PLD1: variants seen among roughly 807,000 people sequenced by gnomAD.
PLD1 encodes phospholipase D1, also known as choline phosphatase 1.
PLD1 carries 112 observed loss-of-function variants against 137.1 expected under a neutral mutation model. That is an observed-to-expected ratio of 0.82 (90% CI 0.70 to 0.96). The LOEUF (loss-of-function observed/expected upper bound fraction) is 0.96, where lower values mean the gene tolerates loss of function less well. Among genes scored for constraint, PLD1 ranks in the 40% least tolerant of loss-of-function variants. PLD1 has a pLI of 0.00. For missense variants in PLD1, 1,321 were observed against 1,342.0 expected, an observed-to-expected ratio of 0.98 and a Z score of 0.24; for synonymous variants, 431 against 454.7, an observed-to-expected ratio of 0.95 and a Z score of 0.66.
At chr3:171,656,879 C>G (rs189515213) in intron 21 of PLD1, among the ~76,000 whole-genome samples, 213 of 152,340 alleles carry the variant, frequency 1.4e-3, no homozygotes, top group African/African-American at 5.0e-3. Context: ...ACTTGCCTCA[C>G]TCAAGGTCAT....
In PLD1 at chr3:171,612,252, C is replaced by G. The variant is rs533201457; in HGVS notation, c.2882+27G>C. Reference sequence around the variant, plus strand: ...AGCGACTGCTGCAGTGGAAATGCATCAGAGAGACACACTTTGGCGGACTGA... The same window carrying G: ...AGCGACTGCTGCAGTGGAAATGCATGAGAGAGACACACTTTGGCGGACTGA... On this transcript the variant is annotated intron_variant, in intron 25 of 26. Transcript: ENST00000351298. This position sits in a 1 kb window ranked among gnomAD's most constrained non-coding sequence, Gnocchi z 4.1. The G allele has an allele frequency of 7.8e-5, 125 of 1,608,990 alleles. 1 individual carries two copies. The South Asian group carries it at 1.1e-3, about 14-fold the overall frequency.
intron 23 of PLD1, among the ~76,000 whole-genome samples, chr3:171,640,472 C>T (rs115479496): frequency 7.5e-4 from 114 of 152,122 alleles, no homozygotes; most frequent in Middle Eastern, 3.4e-3. Context: ...CTGTGAATTC[C>T]CAACATTTCC....
At chr3:171,743,340 G>A (rs1295582268) in intron 1 of PLD1, among the ~76,000 whole-genome samples, 1 of 152,122 alleles carries the variant, frequency 6.6e-6, no homozygotes, top group Non-Finnish European at 1.5e-5. Flanking sequence ...CTTTCTGGCT[G>A]GGCTACTCTA....
At position 171,605,515 on chromosome 3, in the gene PLD1, T is replaced by C. The variant is rs2287578; in HGVS notation, c.2883-99A>G. ...CTATCTCTATATATGCAAATATATA[T>C]ATGCAAATTATTTGAGAGACCATGA... is the stretch of plus-strand genomic sequence containing the variant. On this transcript the variant is annotated intron_variant, in intron 25 of 26. Coordinates refer to ENST00000351298, the MANE Select transcript of PLD1 (RefSeq NM_002662.5). 136,996 of 721,512 alleles carry C rather than the reference T, an allele frequency of 0.19. 13,853 individuals are homozygous for C. The highest frequency in any genetic ancestry group is 0.23 in the South Asian group (14,085 of 61,180). The allele number at this position is 721,512 out of a possible 1,614,324, so 44.7% of individuals were successfully genotyped here.
intron 1 of PLD1, among the ~76,000 whole-genome samples, chr3:171,742,449 A>G (rs1432625967): frequency 6.6e-6 from 1 of 151,912 alleles, no homozygotes; most frequent in Non-Finnish European, 1.5e-5. Context: ...GAACATAGTT[A>G]CGATTTACTT....
intron 11 of PLD1, among the ~76,000 whole-genome samples, chr3:171,707,760 C>G (rs772197657): frequency 6.6e-6 from 1 of 152,138 alleles, no homozygotes; most frequent in Non-Finnish European, 1.5e-5. Context: ...CGCTAAACAC[C>G]CTACAATGCA....
chr3:171,672,549 G>T (rs913307883), intron 19 of PLD1, among the ~76,000 whole-genome samples: 7 of 150,902 alleles, frequency 4.6e-5, no homozygotes, highest in Non-Finnish European at 8.8e-5. Context: ...ATGCAGGGGT[G>T]CAATTATGGC....
chr3:171,600,459 G>A lies in PLD1; in HGVS notation c.*2619C>T, dbSNP rs1376891428. ...AATAGTCACTTTGAAATGTTGAGCAGATTCATGATAGATTTTCAAGGCTTT... is the reference window on the plus strand; with the variant it reads ...AATAGTCACTTTGAAATGTTGAGCAAATTCATGATAGATTTTCAAGGCTTT... On this transcript the variant is annotated 3_prime_UTR_variant, in exon 27 of 27. Coordinates refer to ENST00000351298, the MANE Select transcript of PLD1 (RefSeq NM_002662.5). 6.6e-6 allele frequency: 1 copy of A among 152,158 alleles called. No individual in the cohort carries two copies. Among genetic ancestry groups the A allele is most frequent in the East Asian group, 1.9e-4 (1 of 5,200 alleles). 9.4% of individuals were successfully genotyped at this position (152,158 alleles called of 1,614,324 possible).
At chr3:171,705,000 G>A (rs1274104954) in intron 11 of PLD1, among the ~76,000 whole-genome samples, 1 of 152,160 alleles carries the variant, frequency 6.6e-6, no homozygotes, top group African/African-American at 2.4e-5. Flanking sequence ...CGGCTGATCT[G>A]ACAGGAGGCG....
In PLD1 at chr3:171,677,649, T is replaced by C. The variant is rs1713525228; in HGVS notation, c.1913A>G (p.His638Arg). ...TCCATGCCAGAATCTGGTTTCCCCA[T>C]GCAGCTCTCCCACACCTGTCTGTAA... Reference protein sequence around the residue: ...RSLQTGVGELHGETRFWHGKD... With the variant: ...RSLQTGVGELRGETRFWHGKD... Residue 638 changes from histidine (H) to arginine (R), a missense_variant, in exon 17 of 27, where the codon CAT becomes CGT. Coordinates refer to ENST00000351298, the MANE Select transcript of PLD1 (RefSeq NM_002662.5). 1.2e-6 allele frequency: 2 copies of C among 1,613,850 alleles called. No individual in the cohort carries two copies. Among genetic ancestry groups the C allele is most frequent in the Non-Finnish European group, 1.7e-6 (2 of 1,179,862 alleles).
rs567280837 is a variant in PLD1 at position 171,612,107 on chromosome 3, C to T, written c.2882+172G>A. On this transcript the variant is annotated intron_variant, in intron 25 of 26. Transcript: ENST00000351298. This position sits in a 1 kb window ranked among gnomAD's most constrained non-coding sequence, Gnocchi z 4.1. ...TATTAAAATAAAAAATATTCATGTA[C>T]CACCTAAAGTCATTTCGCATACTAC... Among the ~76,000 whole-genome samples, 1 of 152,266 alleles carries T rather than the reference C, an allele frequency of 6.6e-6. No homozygotes were observed. Among genetic ancestry groups the T allele is most frequent in the African/African-American group, 2.4e-5 (1 of 41,552 alleles).
At position 171,726,019 on chromosome 3, in the gene PLD1, T is replaced by G. The variant is rs1718476780; in HGVS notation, c.664A>C (p.Ile222Leu). 2 of 1,603,476 alleles carry G rather than the reference T, an allele frequency of 1.2e-6. No individual in the cohort carries two copies. The highest frequency in any genetic ancestry group is 1.7e-6 in the Non-Finnish European group (2 of 1,170,458). Residue 222 changes from isoleucine (I) to leucine (L), a missense_variant and splice_region_variant, in exon 7 of 27, where the codon ATA (isoleucine) becomes CTA (leucine). Coordinates refer to ENST00000351298, the MANE Select transcript of PLD1 (RefSeq NM_002662.5). ...CTTTTAAGGTTTATTGCAACTTACA[T>G]GCCCTTTGGTCCCAAATCATGGATG... ...SFIHDLGPKG[I>L]EGMIMKRSGG... is the part of the protein sequence containing the mutation.
chr3:171,635,765 C>T (rs1735049858), intron 23 of PLD1, among the ~76,000 whole-genome samples: 1 of 151,870 alleles, frequency 6.6e-6, no homozygotes, highest in South Asian at 2.1e-4. Context: ...GGCTTTCAAG[C>T]TTTCATGTTT....
intron 4 of PLD1, among the ~76,000 whole-genome samples, chr3:171,735,281 C>T (rs73043859): frequency 9.1e-4 from 139 of 152,250 alleles, no homozygotes; most frequent in African/African-American, 2.7e-3. Context: ...ACTATCACCA[C>T]GTGCCACCAC....
chr3:171,655,640 G>GT (rs1737128103), intron 21 of PLD1, among the ~76,000 whole-genome samples: 1 of 152,050 alleles, frequency 6.6e-6, no homozygotes, highest in African/African-American at 2.4e-5. Flanking sequence ...ACCTGCCCAA[G>GT]ATAAGCTTTT....
At chr3:171,629,375 A>T (rs1211080231) in intron 23 of PLD1, among the ~76,000 whole-genome samples, 7 of 152,232 alleles carry the variant, frequency 4.6e-5, no homozygotes, top group Non-Finnish European at 1.0e-4. Flanking sequence ...ATACAAAGAA[A>T]TGGAAGAATA....
intron 19 of PLD1, among the ~76,000 whole-genome samples, chr3:171,665,458 C>CGA (rs1553813162): frequency 3.4e-4 from 52 of 152,204 alleles, no homozygotes; most frequent in East Asian, 2.7e-3. Context: ...CCAGCACTTT[C>CGA]GGAGGCCGAG....
intron 24 of PLD1, among the ~76,000 whole-genome samples, chr3:171,618,022 T>C (rs1938949299): frequency 1.3e-5 from 2 of 152,026 alleles, no homozygotes; most frequent in Admixed American, 1.3e-4. Flanking sequence ...ACAATAAACC[T>C]GCTTATTCTT....
intron 1 of PLD1, among the ~76,000 whole-genome samples, chr3:171,754,934 C>A (rs1016028246): frequency 6.6e-6 from 1 of 152,182 alleles, no homozygotes; most frequent in Non-Finnish European, 1.5e-5. Context: ...TCAGCTACTA[C>A]TATATCTCCA....
Sources: gnomAD v4.1 joint callset for allele counts (sites outside exome capture counted in the v4.1 genomes callset) on GRCh38, gnomAD v4.1.1 for gene constraint, Gnocchi (gnomAD v3.1) non-coding constraint, MANE v1.5 for transcripts, NCBI Gene and HGNC (gene_info 2026-07-23, HGNC 2026-07-21) for gene names.